Variants in ATP10A observed in about 807,000 individuals in gnomAD.
The protein encoded by ATP10A is phospholipid-transporting ATPase VA.
ATP10A carries 111 observed loss-of-function variants against 147.8 expected under a neutral mutation model. The ratio of observed to expected loss-of-function variants is 0.75; its 90% CI spans 0.64 to 0.88. The LOEUF is 0.88. ATP10A is among the 40% of genes least tolerant of loss of function. The pLI, the probability that ATP10A is intolerant of heterozygous loss-of-function variation, is 0.00. For missense variants in ATP10A, 1,927 were observed against 1,959.0 expected (o/e 0.98, Z 0.31); for synonymous variants, 875 against 841.6 (o/e 1.04, Z -0.69).
chr15:25,860,851 C>T (rs1329990414), intron 1 of ATP10A, among the ~76,000 whole-genome samples: 1 of 152,164 alleles, frequency 6.6e-6, no homozygotes, highest in East Asian at 1.9e-4. Context: ...AGCACTTTGC[C>T]AACTGAAAAT....
intron 1 of ATP10A, among the ~76,000 whole-genome samples, chr15:25,807,799 T>TC (rs1050099244): frequency 2.1e-5 from 3 of 139,648 alleles, no homozygotes; most frequent in African/African-American, 5.2e-5. Context: ...TGAAACTCCA[T>TC]CCCCCCGGCC....
rs372154548 is a variant in ATP10A, at chr15:25,853,730, G to T, written c.449+8918C>A. Among the ~76,000 whole-genome samples the T allele has an allele frequency of 2.0e-3, 306 of 152,150 alleles. 1 individual carries two copies. The highest frequency in any genetic ancestry group is 7.0e-3 in the African/African-American group (291 of 41,500). Reference sequence around the variant, plus strand: ...TTAAATGAGCACCATGCAGGCCATGGCATAGCACCCAGGAACAGGCAGGTG... The same window carrying T: ...TTAAATGAGCACCATGCAGGCCATGTCATAGCACCCAGGAACAGGCAGGTG... On this transcript the variant is annotated intron_variant, in intron 1 of 20. Transcript: ENST00000555815.
intron 1 of ATP10A, among the ~76,000 whole-genome samples, chr15:25,861,629 T>C (rs578074524): frequency 2.6e-5 from 4 of 152,250 alleles, no homozygotes; most frequent in South Asian, 4.1e-4. Flanking sequence ...TAAGAGAGCA[T>C]AGGGCTTCCT....
At chr15:25,861,535 C>T (rs1358255230) in intron 1 of ATP10A, among the ~76,000 whole-genome samples, 1 of 152,080 alleles carries the variant, frequency 6.6e-6, no homozygotes, top group Non-Finnish European at 1.5e-5. Flanking sequence ...CTATGAGTGC[C>T]TGTGTCTAAG....
intron 3 of ATP10A, among the ~76,000 whole-genome samples, chr15:25,728,181 C>G (rs760699487): frequency 6.6e-6 from 1 of 152,228 alleles, no homozygotes; most frequent in Non-Finnish European, 1.5e-5. Flanking sequence ...TGGCTCTTAG[C>G]GTCTCACCAG....
upstream of ATP10A, among the ~76,000 whole-genome samples, chr15:25,863,920 C>G (rs961261357): frequency 2.9e-4 from 44 of 152,236 alleles, no homozygotes; most frequent in African/African-American, 1.0e-3. Context: ...TTTCCTTCCT[C>G]TCCTAAATAA....
In ATP10A at chr15:25,743,863, G is replaced by A. The variant is rs79284384; in HGVS notation, c.655-7722C>T. On this transcript the variant is annotated intron_variant, in intron 2 of 20. Coordinates refer to ENST00000555815, the MANE Select transcript of ATP10A (RefSeq NM_024490.4). ...TCCATTTTTAAAGTCATCAGTGTGC[G>A]GGGATTGAGTCTGTCTCACGCTGTA... 1.1e-3 allele frequency among the ~76,000 whole-genome samples: 175 copies of A among 152,188 alleles called. No homozygotes were observed. In the East Asian group the frequency reaches 0.012, roughly 10 times the overall value.
intron 2 of ATP10A, among the ~76,000 whole-genome samples, chr15:25,758,989 A>G (rs1888604390): frequency 6.6e-6 from 1 of 152,082 alleles, no homozygotes; most frequent in African/African-American, 2.4e-5. Context: ...GTCTCTTTAA[A>G]TTAGCCCATT....
At chr15:25,849,071 C>A (rs887333542) in intron 1 of ATP10A, among the ~76,000 whole-genome samples, 1 of 151,946 alleles carries the variant, frequency 6.6e-6, no homozygotes, top group South Asian at 2.1e-4. Context: ...CTTTTCTGTG[C>A]CTTCCATGGG....
chr15:25,772,292 C>T (rs777402820), intron 2 of ATP10A, among the ~76,000 whole-genome samples: 1 of 152,086 alleles, frequency 6.6e-6, no homozygotes, highest in Non-Finnish European at 1.5e-5. Flanking sequence ...CCGAACGTCC[C>T]CCACCCACCC....
In ATP10A at chr15:25,862,605, C is replaced by T. The variant is rs776762275; in HGVS notation, c.449+43G>A. The T allele has an allele frequency of 3.3e-6, 5 of 1,497,742 alleles. No individual in the cohort carries two copies. The African/African-American group carries it at 6.9e-5, about 21-fold the overall frequency. 92.8% of individuals were successfully genotyped at this position (1,497,742 alleles called of 1,614,324 possible). A position where few individuals can be genotyped will look rare whatever the true frequency, so the allele number is the denominator to read the frequency against. On this transcript the variant is annotated intron_variant, in intron 1 of 20. Coordinates refer to ENST00000555815, the MANE Select transcript of ATP10A (RefSeq NM_024490.4). ...AACACCAAGTTCCCGGGGCGCCCTG[C>T]CCTGCGCCACCGCGCGCTCGCTCGC...
At chr15:25,823,894 C>T (rs1422027857) in intron 1 of ATP10A, among the ~76,000 whole-genome samples, 1 of 152,150 alleles carries the variant, frequency 6.6e-6, no homozygotes, top group African/African-American at 2.4e-5. Context: ...TGTAAGGAGC[C>T]AGAGAGTAAA....
At chr15:25,810,320 G>A (rs1467149920) in intron 1 of ATP10A, among the ~76,000 whole-genome samples, 2 of 152,176 alleles carry the variant, frequency 1.3e-5, no homozygotes, top group African/African-American at 4.8e-5. Context: ...CCACAGGGAG[G>A]ACAGCTCTGT....
intron 1 of ATP10A, among the ~76,000 whole-genome samples, chr15:25,848,285 G>A (rs560910024): frequency 2.0e-5 from 3 of 152,022 alleles, no homozygotes; most frequent in Admixed American, 6.6e-5. Flanking sequence ...ACAAATTTGG[G>A]GAGTTTTATT....
At chr15:25,695,792 T>C (rs1383765364) in intron 13 of ATP10A, among the ~76,000 whole-genome samples, 1 of 152,114 alleles carries the variant, frequency 6.6e-6, no homozygotes, top group Non-Finnish European at 1.5e-5. Flanking sequence ...TACTTCTTGA[T>C]AGTTCTCAGA....
intron 1 of ATP10A, among the ~76,000 whole-genome samples, chr15:25,852,822 C>T (rs1354744857): frequency 1.3e-5 from 2 of 152,162 alleles, no homozygotes; most frequent in African/African-American, 4.8e-5. Flanking sequence ...TCTCCCTTTC[C>T]CTTGAGAAGG....
At chr15:25,779,785 C>T (rs1417764432) in intron 2 of ATP10A, among the ~76,000 whole-genome samples, 4 of 151,864 alleles carry the variant, frequency 2.6e-5, no homozygotes, top group Non-Finnish European at 5.9e-5. Flanking sequence ...TCTGCTTTGC[C>T]TTATTCCAAA....
At chr15:25,784,825 G>A (rs1244174550) in intron 1 of ATP10A, among the ~76,000 whole-genome samples, 1 of 152,094 alleles carries the variant, frequency 6.6e-6, no homozygotes, top group Non-Finnish European at 1.5e-5. Flanking sequence ...AGGAGGCTGA[G>A]GCAGGAGAAT....
At chr15:25,732,558 C>CTTTTATTTTT (rs1887002107) in intron 3 of ATP10A, among the ~76,000 whole-genome samples, 1 of 84,142 alleles carries the variant, frequency 1.2e-5, no homozygotes, top group South Asian at 4.1e-4. Context: ...GCGACACCTT[C>CTTTTATTTTT]TTTTTTTTTT....
Sources: gnomAD v4.1 joint callset for allele counts (sites outside exome capture counted in the v4.1 genomes callset) on GRCh38, gnomAD v4.1.1 for gene constraint, MANE v1.5 for transcripts, NCBI Gene and HGNC (gene_info 2026-07-23, HGNC 2026-07-21) for gene names.